DCC: variants seen among roughly 807,000 people sequenced by gnomAD.
The protein encoded by DCC is netrin receptor DCC.
In DCC, 58 loss-of-function variants were observed where a neutral mutation model predicts 172.5. That is an observed-to-expected ratio of 0.34 (90% confidence interval 0.27 to 0.42). DCC has a LOEUF of 0.42. Among genes scored for constraint, DCC ranks in the 10% least tolerant of loss-of-function variants. The pLI is 1.00. For synonymous variants in DCC, 709 were observed against 644.5 expected (o/e 1.10, Z -1.52); for missense variants, 1,740 against 1,791.0 (o/e 0.97, Z 0.51).
chr18:52,397,045 C>T (rs981850322), intron 1 of DCC, among the ~76,000 whole-genome samples: 3 of 152,002 alleles, frequency 2.0e-5, no homozygotes, highest in African/African-American at 7.2e-5. Flanking sequence ...AATGTTACTG[C>T]ATTTTGCTAA....
intron 3 of DCC, among the ~76,000 whole-genome samples, chr18:52,912,864 G>T (rs2039990073): frequency 6.6e-6 from 1 of 151,880 alleles, no homozygotes; most frequent in Non-Finnish European, 1.5e-5. Flanking sequence ...CAACAATTCA[G>T]GTTAGCAAGA....
intron 2 of DCC, among the ~76,000 whole-genome samples, chr18:52,787,523 C>T (rs2037682803): frequency 6.6e-6 from 1 of 151,988 alleles, no homozygotes; most frequent in Admixed American, 6.6e-5. Flanking sequence ...TTTAGAAATC[C>T]CATGCACTGT....
chr18:52,905,161 G>A (rs1568178495), intron 2 of DCC, among the ~76,000 whole-genome samples: 1 of 150,930 alleles, frequency 6.6e-6, no homozygotes, highest in Admixed American at 6.7e-5. Context: ...ATGCTTGTAT[G>A]TAATGGCCAG....
rs138710202 is a variant in DCC at position 53,483,611 on chromosome 18, A to G, written c.3737-3186A>G. Among the ~76,000 whole-genome samples, 781 of 151,952 alleles carry G rather than the reference A, an allele frequency of 5.1e-3. 6 individuals are homozygous for G. The highest frequency in any genetic ancestry group is 0.015 in the African/African-American group (609 of 41,524). ...TTTCCCCACAGATTAACATACAAAC[A>G]TGATCTATTTTTATGTTTGTGGGTC... On this transcript the variant is annotated intron_variant, in intron 25 of 28. Coordinates refer to ENST00000442544, the MANE Select transcript of DCC (RefSeq NM_005215.4).
chr18:52,998,151 T>C (rs976791385), intron 5 of DCC, among the ~76,000 whole-genome samples: 2 of 152,114 alleles, frequency 1.3e-5, no homozygotes, highest in Non-Finnish European at 2.9e-5. Flanking sequence ...TTTCATATGC[T>C]CAGTGGCCAT....
At chr18:52,738,745 G>GTT (rs576773481) in intron 1 of DCC, among the ~76,000 whole-genome samples, 33 of 138,708 alleles carry the variant, frequency 2.4e-4, no homozygotes, top group Middle Eastern at 3.8e-3. Context: ...TTCTTTCTTT[G>GTT]TTTTTTTTTT....
chr18:52,900,729 G>T (rs756576817), intron 2 of DCC, among the ~76,000 whole-genome samples: 14 of 152,116 alleles, frequency 9.2e-5, no homozygotes, highest in Non-Finnish European at 2.1e-4. Context: ...GTGGAAATCT[G>T]TAAGTTGGCT....
intron 19 of DCC, among the ~76,000 whole-genome samples, chr18:53,405,627 A>T (rs920825971): frequency 2.6e-5 from 4 of 152,222 alleles, no homozygotes; most frequent in African/African-American, 7.2e-5. Flanking sequence ...ACAAAAAAGG[A>T]GGAAATTCAG....
At position 53,499,473 on chromosome 18, in the gene DCC, A is replaced by C; in HGVS notation, c.4074A>C (p.Glu1358Asp). The C allele has an allele frequency of 6.2e-7, 1 of 1,614,136 alleles. No individual in the cohort carries two copies. The highest frequency in any genetic ancestry group is 8.5e-7 in the Non-Finnish European group (1 of 1,179,998). Residue 1358 changes from glutamate (E) to aspartate (D), a missense_variant, in exon 27 of 29, where the codon GAA becomes GAC. Around this residue, in one of 2 missense-constraint regions of DCC, gnomAD observed 1,732 missense variants for 1,767.4 expected, o/e 0.98. Coordinates refer to ENST00000442544, the MANE Select transcript of DCC (RefSeq NM_005215.4). ...PLLPPPMSAI[E>D]PKVPYTPLLS... The stretch of plus-strand genomic sequence containing the variant: ...TACCTCCACCAATGAGTGCAATAGA[A>C]CCGAAAGTCCCTTACACACCACTTT...
intron 1 of DCC, among the ~76,000 whole-genome samples, chr18:52,702,389 A>T (rs9946552): frequency 0.99 from 150,158 of 152,222 alleles, 74,101 homozygotes; most frequent in East Asian, 1. Flanking sequence ...CAAAACTAGA[A>T]TCATGACCAG....
intron 1 of DCC, among the ~76,000 whole-genome samples, chr18:52,545,381 A>G (rs1327237943): frequency 6.6e-6 from 1 of 152,192 alleles, no homozygotes; most frequent in Non-Finnish European, 1.5e-5. Context: ...TGGTAAGTGG[A>G]CAGGTTCTCT....
At chr18:52,686,064 G>T (rs889529143) in intron 1 of DCC, among the ~76,000 whole-genome samples, 2 of 152,086 alleles carry the variant, frequency 1.3e-5, no homozygotes, top group African/African-American at 2.4e-5. Context: ...GGTCTTTGAT[G>T]TCCACACTGT....
At chr18:52,343,849 G>A (rs1983763189) in intron 1 of DCC, among the ~76,000 whole-genome samples, 1 of 152,212 alleles carries the variant, frequency 6.6e-6, no homozygotes, top group South Asian at 2.1e-4. Context: ...ATGCCCCCAT[G>A]TGGGTTTGCT....
At chr18:53,321,362 G>C (rs1003242310) in intron 13 of DCC, among the ~76,000 whole-genome samples, 4 of 152,042 alleles carry the variant, frequency 2.6e-5, no homozygotes, top group African/African-American at 4.8e-5. Flanking sequence ...CTTTTTGTAA[G>C]AGGAAAGTCA....
intron 1 of DCC, among the ~76,000 whole-genome samples, chr18:52,660,308 A>G (rs2144945494): frequency 6.6e-6 from 1 of 151,798 alleles, no homozygotes; most frequent in East Asian, 1.9e-4. Context: ...GTTCCTCCAT[A>G]CTCCCTCTTT....
At chr18:53,119,224 CA>C (rs1568315890) in intron 7 of DCC, among the ~76,000 whole-genome samples, 1 of 151,784 alleles carries the variant, frequency 6.6e-6, no homozygotes, top group Non-Finnish European at 1.5e-5. Flanking sequence ...CATTGGCGTA[CA>C]TTCTTTATCT....
At chr18:52,958,138 G>A (rs2040777462) in intron 5 of DCC, among the ~76,000 whole-genome samples, 2 of 152,062 alleles carry the variant, frequency 1.3e-5, no homozygotes, top group Non-Finnish European at 2.9e-5. Flanking sequence ...TGTCAAATCA[G>A]CTTGTTCTTT....
chr18:52,655,894 T>C (rs1011199453), intron 1 of DCC, among the ~76,000 whole-genome samples: 1 of 151,584 alleles, frequency 6.6e-6, no homozygotes, highest in African/African-American at 2.4e-5. Flanking sequence ...ATCCCTTGGA[T>C]AGCTAATGAA....
intron 8 of DCC, among the ~76,000 whole-genome samples, chr18:53,158,746 C>T (rs2054787642): frequency 1.3e-5 from 2 of 151,992 alleles, no homozygotes; most frequent in South Asian, 4.2e-4. Flanking sequence ...AATCCCAGCA[C>T]TTTGGCAGGC....
Sources: gnomAD v4.1 joint callset for allele counts (sites outside exome capture counted in the v4.1 genomes callset) on GRCh38, gnomAD v4.1.1 for gene constraint, gnomAD v4.1.1 regional missense constraint, MANE v1.5 for transcripts, NCBI Gene and HGNC (gene_info 2026-07-23, HGNC 2026-07-21) for gene names.